The following CELF2 variants were observed in gnomAD, a reference collection of about 807,000 sequenced individuals.
CELF2 encodes CUG triplet repeat RNA-binding protein 2.
In CELF2, 8 loss-of-function variants were observed where a neutral mutation model predicts 62.6. The observed-to-expected ratio is 0.13, with a 90% CI of 0.07 to 0.23. The LOEUF is 0.23. Among genes scored for constraint, CELF2 ranks in the 10% least tolerant of loss-of-function variants. The probability of loss-of-function intolerance (pLI) is 1.00; values close to 1 mark genes in which losing one functional copy is unlikely to be tolerated. For missense variants in CELF2, 333 were observed against 671.0 expected (o/e 0.50, Z 5.56); for synonymous variants, 258 against 250.0 (o/e 1.03, Z -0.30).
At chr10:10,815,737 C>A (rs771119555) in intron 1 of CELF2, among the ~76,000 whole-genome samples, 1 of 152,086 alleles carries the variant, frequency 6.6e-6, no homozygotes, top group Admixed American at 6.6e-5. Context: ...CTTTTGCATA[C>A]GTTCTGTGGA....
chr10:10,906,126 G>C (rs1301604901), intron 1 of CELF2, among the ~76,000 whole-genome samples: 1 of 150,876 alleles, frequency 6.6e-6, no homozygotes, highest in Non-Finnish European at 1.5e-5. Context: ...CTTAAAAGAT[G>C]ATCTGTCCCA....
At chr10:11,264,095 G>A (rs1320077626) in intron 5 of CELF2, among the ~76,000 whole-genome samples, 1 of 152,198 alleles carries the variant, frequency 6.6e-6, no homozygotes, top group East Asian at 1.9e-4. Context: ...GTCCTCAGAT[G>A]TGTCAGATCA....
chr10:11,147,131 C>T (rs1225299191), intron 1 of CELF2, among the ~76,000 whole-genome samples: 1 of 152,162 alleles, frequency 6.6e-6, no homozygotes, highest in Non-Finnish European at 1.5e-5. Flanking sequence ...GCCTGCCAGG[C>T]TCTCTGCTTG....
At chr10:11,009,787 CTATT>C (rs1485444917) in intron 1 of CELF2, among the ~76,000 whole-genome samples, 3 of 152,220 alleles carry the variant, frequency 2.0e-5, no homozygotes, top group African/African-American at 7.2e-5. Context: ...CCCTGCAAGA[CTATT>C]TAGTTCCACA....
the CELF2 span, among the ~76,000 whole-genome samples, chr10:10,497,431 A>G: frequency 6.6e-6 from 1 of 152,150 alleles, no homozygotes; most frequent in Non-Finnish European, 1.5e-5. Flanking sequence ...TGGAACAACA[A>G]AAAAGACATG....
chr10:10,979,817 G>A (rs1383123451), intron 2 of CELF2, among the ~76,000 whole-genome samples: 2 of 152,162 alleles, frequency 1.3e-5, no homozygotes, highest in African/African-American at 4.8e-5. Flanking sequence ...ATCTGAGATG[G>A]CAGGGAATGA....
At chr10:10,528,917 G>A in the CELF2 span, among the ~76,000 whole-genome samples, 73,849 of 152,032 alleles carry the variant, frequency 0.49, 18,705 homozygotes, top group South Asian at 0.65. Flanking sequence ...AGCCAAGAAT[G>A]GTAATTGAAT....
the CELF2 span, among the ~76,000 whole-genome samples, chr10:10,699,774 C>G: frequency 1.0e-3 from 152 of 152,302 alleles, no homozygotes; most frequent in African/African-American, 3.5e-3. Context: ...AGATTTTGGT[C>G]TTTCAGAGCC....
intron 1 of CELF2, among the ~76,000 whole-genome samples, chr10:11,070,632 G>A (rs2069630350): frequency 6.6e-6 from 1 of 152,102 alleles, no homozygotes; most frequent in African/African-American, 2.4e-5. Context: ...CATCTGGGGG[G>A]AGGGGTATAA....
chr10:10,526,935 T>A, the CELF2 span, among the ~76,000 whole-genome samples: 1 of 152,222 alleles, frequency 6.6e-6, no homozygotes, highest in South Asian at 2.1e-4. Flanking sequence ...GAGGCTGCAT[T>A]AAACTTGCAC....
chr10:11,326,001 A>G, intron 12 of CELF2, 22 bp downstream of exon 12: 2 of 1,600,144 alleles, frequency 1.2e-6, no homozygotes, highest in Admixed American at 3.4e-5. Context: ...AAACTAAGCT[A>G]GTATATTGCA....
intron 1 of CELF2, among the ~76,000 whole-genome samples, chr10:11,031,674 A>G (rs114958210): frequency 6.6e-6 from 1 of 152,180 alleles, no homozygotes; most frequent in Non-Finnish European, 1.5e-5. Flanking sequence ...TACTGATGCA[A>G]ACATTATCTA....
At chr10:11,183,860 A>G (rs1588529496) in intron 2 of CELF2, among the ~76,000 whole-genome samples, 1 of 152,328 alleles carries the variant, frequency 6.6e-6, no homozygotes, top group Middle Eastern at 3.4e-3. Flanking sequence ...GCAAATATTT[A>G]CTGCTAGTTT....
At chr10:11,032,816 C>A (rs2060338096) in intron 1 of CELF2, among the ~76,000 whole-genome samples, 1 of 152,050 alleles carries the variant, frequency 6.6e-6, no homozygotes, top group Admixed American at 6.6e-5. Flanking sequence ...TGATATGTCA[C>A]CAAATAAATG....
At chr10:10,546,386 T>C in the CELF2 span, among the ~76,000 whole-genome samples, 1 of 152,226 alleles carries the variant, frequency 6.6e-6, no homozygotes, top group African/African-American at 2.4e-5. Flanking sequence ...AAAAGCGGAT[T>C]CTGATTTTGG....
At chr10:11,261,280 G>T (rs2080466485) in intron 5 of CELF2, among the ~76,000 whole-genome samples, 1 of 152,110 alleles carries the variant, frequency 6.6e-6, no homozygotes, top group Non-Finnish European at 1.5e-5. Flanking sequence ...AGTAGTTTCA[G>T]GTCCTCCCTA....
intron 1 of CELF2, among the ~76,000 whole-genome samples, chr10:11,126,214 A>G (rs2058672920): frequency 6.6e-6 from 1 of 152,226 alleles, no homozygotes; most frequent in Admixed American, 6.5e-5. Context: ...TGCCTTTCAC[A>G]GCATTTTCAG....
the CELF2 span, among the ~76,000 whole-genome samples, chr10:10,467,281 A>G: frequency 6.6e-6 from 1 of 152,020 alleles, no homozygotes; most frequent in African/African-American, 2.4e-5. Context: ...AATAAAAACC[A>G]AGGGTCAATT....
At position 10,839,899 on chromosome 10, in the gene CELF2, C is replaced by T. The variant is rs566857358; in HGVS notation, c.53+41082C>T. Among the ~76,000 whole-genome samples, 11 of 152,272 alleles carry T rather than the reference C, an allele frequency of 7.2e-5. 1 individual carries two copies. The South Asian group carries it at 1.0e-3, about 14-fold the overall frequency. ...CCTCTTCACCCTAAACTCTGGCAAC[C>T]GCTGATATATTTAACTGTTTTTGTA... On this transcript the variant is annotated intron_variant, in intron 1 of 13. Transcript: ENST00000636488.
Sources: gnomAD v4.1 joint callset for allele counts (sites outside exome capture counted in the v4.1 genomes callset) on GRCh38, gnomAD v4.1.1 for gene constraint, MANE v1.5 for transcripts, NCBI Gene and HGNC (gene_info 2026-07-23, HGNC 2026-07-21) for gene names.